The following PDE1A variants were observed in gnomAD, a reference collection of about 807,000 sequenced individuals.
PDE1A encodes the protein phosphodiesterase 1A, also known as dual specificity calcium/calmodulin-dependent 3',5'-cyclic nucleotide phosphodiesterase 1A.
A neutral mutation model predicts 61.7 loss-of-function variants in PDE1A; 35 were observed. The ratio of observed to expected loss-of-function variants is 0.57; its 90% CI spans 0.43 to 0.75. The LOEUF is 0.75. Ranked by LOEUF, PDE1A falls within the 30% of genes least tolerant of loss-of-function variation. The pLI is 0.00. For missense variants in PDE1A, 597 were observed against 630.6 expected (o/e 0.95, Z 0.57); for synonymous variants, 232 against 213.2 (o/e 1.09, Z -0.77).
intron 1 of PDE1A, among the ~76,000 whole-genome samples, chr2:182,292,911 A>G (rs1266657491): frequency 1.3e-5 from 2 of 150,896 alleles, no homozygotes; most frequent in Non-Finnish European, 3.0e-5. Flanking sequence ...AACTTAAAAA[A>G]TATTGTCAGT....
At chr2:182,588,352 T>C in the PDE1A span, among the ~76,000 whole-genome samples, 1 of 152,210 alleles carries the variant, frequency 6.6e-6, no homozygotes, top group South Asian at 2.1e-4. Flanking sequence ...TTCTTGTCCA[T>C]TGATCTTTCT....
chr2:182,536,003 G>A, the PDE1A span, among the ~76,000 whole-genome samples: 97,290 of 152,110 alleles, frequency 0.64, 34,553 homozygotes, highest in East Asian at 0.95. Context: ...TGAACAGTCC[G>A]AAATAGCGAG....
the PDE1A span, among the ~76,000 whole-genome samples, chr2:182,608,840 G>A: frequency 3.0e-4 from 46 of 152,366 alleles, no homozygotes; most frequent in African/African-American, 1.1e-3. Context: ...GGATCCACTG[G>A]GTGAAGCCAG....
intron 2 of PDE1A, among the ~76,000 whole-genome samples, chr2:182,455,985 T>C (rs1685893818): frequency 2.0e-5 from 3 of 151,340 alleles, no homozygotes; most frequent in African/African-American, 4.9e-5. Context: ...TCAAAGTAAA[T>C]TATATTTAGA....
chr2:182,644,629 C>G, the PDE1A span, among the ~76,000 whole-genome samples: 1 of 152,158 alleles, frequency 6.6e-6, no homozygotes, highest in Admixed American at 6.5e-5. Context: ...AATACTGTGA[C>G]CTTTGGCAAG....
chr2:182,422,088 T>C (rs1229502950), intron 1 of PDE1A, among the ~76,000 whole-genome samples: 2 of 152,224 alleles, frequency 1.3e-5, no homozygotes, highest in African/African-American at 4.8e-5. Flanking sequence ...TGTTCACTAG[T>C]CTTGAAACCT....
intron 2 of PDE1A, among the ~76,000 whole-genome samples, chr2:182,443,100 A>G (rs17356207): frequency 0.18 from 26,964 of 151,884 alleles, 2,817 homozygotes; most frequent in Middle Eastern, 0.36. Flanking sequence ...AGAACTAATC[A>G]TACAACTCTT....
the PDE1A span, among the ~76,000 whole-genome samples, chr2:182,655,670 GGA>G: frequency 1.3e-5 from 2 of 152,196 alleles, no homozygotes; most frequent in Admixed American, 1.3e-4. Flanking sequence ...AGGTCTTTCA[GGA>G]GAGTTTTCTT....
At chr2:182,375,311 C>A (rs1157390912) in intron 1 of PDE1A, among the ~76,000 whole-genome samples, 1 of 152,188 alleles carries the variant, frequency 6.6e-6, no homozygotes, top group Non-Finnish European at 1.5e-5. Flanking sequence ...AACTTTGAGC[C>A]TGTAAAATCA....
chr2:182,172,741 T>C (rs1023209746), intron 13 of PDE1A, among the ~76,000 whole-genome samples: 12 of 152,054 alleles, frequency 7.9e-5, no homozygotes, highest in African/African-American at 2.9e-4. Context: ...GGCATTTTAA[T>C]TGAATCTTGG....
At chr2:182,330,568 C>T (rs765288217) in intron 1 of PDE1A, among the ~76,000 whole-genome samples, 7 of 152,050 alleles carry the variant, frequency 4.6e-5, no homozygotes, top group Non-Finnish European at 7.4e-5. Flanking sequence ...GCTGTTTTCT[C>T]TCTGGCTTCA....
chr2:182,230,476 T>G (rs1365282943), intron 5 of PDE1A, among the ~76,000 whole-genome samples: 1 of 152,110 alleles, frequency 6.6e-6, no homozygotes, highest in Non-Finnish European at 1.5e-5. Flanking sequence ...GGAGTCTAGT[T>G]TTTCTATCTT....
chr2:182,603,074 A>C, the PDE1A span, among the ~76,000 whole-genome samples: 1 of 152,010 alleles, frequency 6.6e-6, no homozygotes, highest in Non-Finnish European at 1.5e-5. Flanking sequence ...CACTCTCTCT[A>C]TGTGGTCATC....
At chr2:182,221,732 T>C (rs973264239) in intron 7 of PDE1A, among the ~76,000 whole-genome samples, 3 of 152,012 alleles carry the variant, frequency 2.0e-5, no homozygotes, top group African/African-American at 7.2e-5. Flanking sequence ...CTTGGAATTA[T>C]CATGTGTCCA....
chr2:182,217,970 G>T (rs1445666728), intron 7 of PDE1A, among the ~76,000 whole-genome samples: 1 of 151,140 alleles, frequency 6.6e-6, no homozygotes, highest in South Asian at 2.1e-4. Context: ...ACATGCAAAC[G>T]TATGTTTATT....
At chr2:182,404,359 A>C (rs576069567) in intron 1 of PDE1A, among the ~76,000 whole-genome samples, 25 of 152,206 alleles carry the variant, frequency 1.6e-4, no homozygotes, top group Non-Finnish European at 3.5e-4. Context: ...ACCCTTCTAC[A>C]TCAAAAAGGA....
intron 1 of PDE1A, among the ~76,000 whole-genome samples, chr2:182,394,747 C>T (rs1195949474): frequency 1.3e-5 from 2 of 152,210 alleles, no homozygotes; most frequent in East Asian, 1.9e-4. Flanking sequence ...GCATAATTGG[C>T]ATAGACATAC....
chr2:182,699,714 AGTTT>A, the PDE1A span, among the ~76,000 whole-genome samples: 2 of 152,334 alleles, frequency 1.3e-5, no homozygotes, highest in South Asian at 2.1e-4. Flanking sequence ...ATAAAGAACA[AGTTT>A]GTTTATTTGT....
intron 7 of PDE1A, among the ~76,000 whole-genome samples, chr2:182,217,970 G>GT (rs1264410184): frequency 2.6e-5 from 4 of 151,140 alleles, no homozygotes; most frequent in Admixed American, 1.3e-4. Flanking sequence ...ACATGCAAAC[G>GT]TATGTTTATT....
Sources: gnomAD v4.1 joint callset for allele counts (sites outside exome capture counted in the v4.1 genomes callset) on GRCh38, gnomAD v4.1.1 for gene constraint, MANE v1.5 for transcripts, NCBI Gene and HGNC (gene_info 2026-07-23, HGNC 2026-07-21) for gene names.